Variants in DAAM2 observed in about 807,000 individuals in gnomAD.
DAAM2 encodes the protein disheveled-associated activator of morphogenesis 2.
In DAAM2, 39 loss-of-function variants were observed where a neutral mutation model predicts 120.7. That is an observed-to-expected ratio of 0.32 (90% CI 0.25 to 0.42). The LOEUF (loss-of-function observed/expected upper bound fraction) is 0.42, where lower values mean the gene tolerates loss of function less well. DAAM2 is among the 10% of genes least tolerant of loss of function. The probability of loss-of-function intolerance (pLI) is 1.00; values close to 1 mark genes in which losing one functional copy is unlikely to be tolerated. For synonymous variants in DAAM2, 488 were observed against 524.9 expected, an observed-to-expected ratio of 0.93 and a Z score of 0.96; for missense variants, 1,283 against 1,401.7, an observed-to-expected ratio of 0.92 and a Z score of 1.35.
At position 39,891,699 on chromosome 6, in the gene DAAM2, C is replaced by G. The variant is rs781049641; in HGVS notation, c.2318C>G (p.Ala773Gly). 6.2e-6 allele frequency: 10 copies of G among 1,605,404 alleles called. No homozygotes were observed. Among genetic ancestry groups the G allele is most frequent in the Non-Finnish European group, 8.5e-6 (10 of 1,176,074 alleles). The change falls in exon 19 of 25, where the codon GCT (alanine) becomes GGT (glycine). Residue 773 changes from alanine (A) to glycine (G), a missense_variant. Ala to Gly is a moderately conservative substitution (Grantham distance 60, BLOSUM62 0). Coordinates refer to ENST00000274867, the MANE Select transcript of DAAM2 (RefSeq NM_001201427.2). ...AAGAAGAAATTCCAGGAGCGGCTGG[C>G]TGAGGCAAAGCCCAAAGTGGAAGGT... ...FFKKKFQERL[A>G]EAKPKVEAIL... is the part of the protein sequence containing the mutation.
In DAAM2 at chr6:39,878,733, C is replaced by A; in HGVS notation, c.1545+145C>A. 1.2e-6 allele frequency: 1 copy of A among 817,168 alleles called. No individual in the cohort carries two copies. Among genetic ancestry groups the A allele is most frequent in the Non-Finnish European group, 1.9e-6 (1 of 523,212 alleles). 50.6% of individuals were successfully genotyped at this position (817,168 alleles called of 1,614,324 possible). ...ACCTTGGGCCAGGATAGAAGAGACC[C>A]TTGAGGCTGTACAGGTGGCATCTTT... On this transcript the variant is annotated intron_variant, in intron 13 of 24. Coordinates refer to ENST00000274867, the MANE Select transcript of DAAM2 (RefSeq NM_001201427.2). The surrounding 1 kb of genome is among the most constrained non-coding windows in gnomAD (Gnocchi z 5.0).
At position 39,904,848 on chromosome 6, in the gene DAAM2, A is replaced by AAAT; in HGVS notation, c.*2812_*2814dup. 1 of 454,128 alleles carries AAAT rather than the reference A, an allele frequency of 2.2e-6. No individual in the cohort carries two copies. Among genetic ancestry groups the AAAT allele is most frequent in the Non-Finnish European group, 4.4e-6 (1 of 226,806 alleles). The allele number at this position is 454,128 out of a possible 1,614,324, so 28.1% of individuals were successfully genotyped here. A position where few individuals can be genotyped will look rare whatever the true frequency, so the allele number is the denominator to read the frequency against. Reference sequence around the variant, plus strand: ...ATATATTGTAATACTAAAAAATATTAAATTCATACCATCCCTACCCAGTCT... The same window carrying AAAT: ...ATATATTGTAATACTAAAAAATATTAAATAATTCATACCATCCCTACCCAGTCT... On this transcript the variant is annotated 3_prime_UTR_variant, in exon 25 of 25. Coordinates refer to ENST00000274867, the MANE Select transcript of DAAM2 (RefSeq NM_001201427.2).
chr6:39,834,537 G>A (rs536843923), intron 1 of DAAM2, among the ~76,000 whole-genome samples: 2 of 152,278 alleles, frequency 1.3e-5, no homozygotes, highest in Admixed American at 6.5e-5. Context: ...AGTAGCTGTT[G>A]AGGATCATGT....
rs762593330 is a variant in DAAM2, at chr6:39,878,364, C to G, written c.1361-40C>G. ...GGCAGGGAGTCACATTACTCACATT[C>G]TCTCCTTCTGTTTCCTCTCCCGTCC... On this transcript the variant is annotated intron_variant, in intron 12 of 24. Coordinates refer to ENST00000274867, the MANE Select transcript of DAAM2 (RefSeq NM_001201427.2). This position sits in a 1 kb window ranked among gnomAD's most constrained non-coding sequence, Gnocchi z 5.0. The G allele has an allele frequency of 6.8e-6, 11 of 1,609,102 alleles. No homozygotes were observed. Among genetic ancestry groups the G allele is most frequent in the Non-Finnish European group, 8.5e-6 (10 of 1,177,132 alleles).
intron 1 of DAAM2, among the ~76,000 whole-genome samples, chr6:39,835,257 T>G (rs1763060124): frequency 6.6e-6 from 1 of 152,224 alleles, no homozygotes. Flanking sequence ...TCAGACAAAT[T>G]TCTAAAGTCT....
rs540532840 is a variant in DAAM2, at chr6:39,875,208, G to T, written c.1163-122G>T. 1.6e-4 allele frequency: 167 copies of T among 1,041,708 alleles called. 2 individuals carry two copies. The South Asian group carries it at 2.0e-3, about 13-fold the overall frequency. 64.5% of individuals were successfully genotyped at this position (1,041,708 alleles called of 1,614,324 possible). On this transcript the variant is annotated intron_variant, in intron 10 of 24. Transcript: ENST00000274867. ...ATGGCATTGCCTCTTCTTCTAGACT[G>T]GGAGCTTACCATAGGTGGAGAAGGG...
At chr6:39,803,295 T>C (rs548645753) in intron 1 of DAAM2, among the ~76,000 whole-genome samples, 4 of 152,354 alleles carry the variant, frequency 2.6e-5, no homozygotes, top group African/African-American at 9.6e-5. Flanking sequence ...TTTTGCATAT[T>C]CTTGACAGAT....
At position 39,903,906 on chromosome 6, in the gene DAAM2, GA is replaced by G. The variant is rs1766631989; in HGVS notation, c.*1871del. ...CCTGGAACCCAGGTGAGGGCAAGATGAAGGCTTCCAGGCAGAACAGCTGCAG... is the reference window on the plus strand; with the variant it reads ...CCTGGAACCCAGGTGAGGGCAAGATGAGGCTTCCAGGCAGAACAGCTGCAG... On this transcript the variant is annotated 3_prime_UTR_variant, in exon 25 of 25. Transcript: ENST00000274867. 1 of 317,208 alleles carries G rather than the reference GA, an allele frequency of 3.2e-6. No individual in the cohort carries two copies. The highest frequency in any genetic ancestry group is 4.4e-5 in the Admixed American group (1 of 22,568). 19.6% of individuals were successfully genotyped at this position (317,208 alleles called of 1,614,324 possible). A position where few individuals can be genotyped will look rare whatever the true frequency, so the allele number is the denominator to read the frequency against.
intron 22 of DAAM2, chr6:39,899,581 A>G (rs1410592867): frequency 6.3e-6 from 1 of 159,874 alleles, no homozygotes; most frequent in African/African-American, 2.4e-5. Flanking sequence ...AGACAGATTA[A>G]GGATGACAAA....
intron 2 of DAAM2, among the ~76,000 whole-genome samples, chr6:39,857,321 C>A (rs1455386252): frequency 6.6e-6 from 1 of 152,222 alleles, no homozygotes; most frequent in Admixed American, 6.5e-5. Context: ...AGTAAAGAAA[C>A]AAGGCCATGT....
intron 20 of DAAM2, 34 bp from the exon 21 acceptor site, chr6:39,897,141 T>C: frequency 6.4e-7 from 1 of 1,569,554 alleles, no homozygotes; most frequent in East Asian, 2.2e-5. Flanking sequence ...CAGTTTCCTC[T>C]GTCACTTACC....
chr6:39,852,207 G>A (rs1763833646), intron 1 of DAAM2, among the ~76,000 whole-genome samples: 1 of 152,318 alleles, frequency 6.6e-6, no homozygotes, highest in Non-Finnish European at 1.5e-5. Flanking sequence ...AAGTCCACTT[G>A]GTTTCCTTGT....
chr6:39,841,085 C>T (rs1249190058), intron 1 of DAAM2, among the ~76,000 whole-genome samples: 11 of 55,966 alleles, frequency 2.0e-4, no homozygotes, highest in Non-Finnish European at 3.3e-4. Flanking sequence ...AGAGGGGCTC[C>T]AGGGGGAGGG....
At chr6:39,814,219 G>A (rs894506438) in intron 1 of DAAM2, among the ~76,000 whole-genome samples, 7 of 143,032 alleles carry the variant, frequency 4.9e-5, no homozygotes, top group Middle Eastern at 3.5e-3. Context: ...ATCAGCTATC[G>A]TTAGTGCTAG....
rs1450226636 is a variant in DAAM2 at position 39,864,433 on chromosome 6, G to A, written c.259G>A (p.Glu87Lys). Residue 87 changes from glutamate to lysine, a missense_variant and splice_region_variant, in exon 4 of 25, where the codon GAG (glutamate) becomes AAG (lysine). By Grantham distance (56) the Glu-to-Lys change is moderately conservative (BLOSUM62 1). This residue lies in a region of DAAM2 where 197 missense variants were observed against 189.3 expected (regional missense o/e 1.04). Coordinates refer to ENST00000274867, the MANE Select transcript of DAAM2 (RefSeq NM_001201427.2). ...CATGCTGTCCTTTTTCTTGTTTCAG[G>A]AGCAGGAGGACCCCAACAAGCTGGC... ...KWQIYCSKKK[E>K]QEDPNKLATS... The A allele has an allele frequency of 6.2e-7, 1 of 1,612,586 alleles. No individual in the cohort carries two copies. The highest frequency in any genetic ancestry group is 1.1e-5 in the South Asian group (1 of 90,808).
intron 19 of DAAM2, among the ~76,000 whole-genome samples, chr6:39,896,194 T>TTTTTTTC (rs59746007): frequency 0.57 from 84,211 of 148,878 alleles, 24,227 homozygotes; most frequent in Middle Eastern, 0.68. Flanking sequence ...CTGAATAATC[T>TTTTTTTC]TTTTTTCTTT....
intron 11 of DAAM2, among the ~76,000 whole-genome samples, chr6:39,875,934 C>A (rs1764851355): frequency 6.6e-6 from 1 of 152,136 alleles, no homozygotes; most frequent in Non-Finnish European, 1.5e-5. Flanking sequence ...TTGTGTATGG[C>A]CCATGAACTA....
At chr6:39,805,944 G>A (rs1324074241) in intron 1 of DAAM2, among the ~76,000 whole-genome samples, 2 of 152,204 alleles carry the variant, frequency 1.3e-5, no homozygotes, top group Non-Finnish European at 2.9e-5. Flanking sequence ...AAAATTCAGT[G>A]TGGAAGAATT....
intron 1 of DAAM2, among the ~76,000 whole-genome samples, chr6:39,830,217 A>G (rs184335494): frequency 1.2e-3 from 190 of 152,312 alleles, no homozygotes; most frequent in African/African-American, 4.5e-3. Context: ...TTTCATCTTC[A>G]GCATTCACAC....
Sources: allele counts gnomAD v4.1 joint callset (sites outside exome capture counted in the v4.1 genomes callset), GRCh38; gene constraint gnomAD v4.1.1; regional missense constraint gnomAD v4.1.1; non-coding constraint Gnocchi (gnomAD v3.1); transcripts MANE v1.5; gene names NCBI Gene and HGNC (gene_info 2026-07-23, HGNC 2026-07-21).